Variants in ANO1 observed in about 807,000 individuals in gnomAD.
ANO1 encodes anoctamin-1.
A neutral mutation model predicts 124.0 loss-of-function variants in ANO1; 59 were observed. The ratio of observed to expected loss-of-function variants is 0.48; its 90% CI spans 0.39 to 0.59. ANO1 has a LOEUF of 0.59. Among genes scored for constraint, ANO1 ranks in the 20% least tolerant of loss-of-function variants. The pLI, the probability that ANO1 is intolerant of heterozygous loss-of-function variation, is 0.00. For synonymous variants in ANO1, 529 were observed against 532.0 expected (o/e 0.99, Z 0.08); for missense variants, 1,059 against 1,328.0 (o/e 0.80, Z 3.15).
At chr11:69,975,517 G>A in the ANO1 span, among the ~76,000 whole-genome samples, 3 of 152,346 alleles carry the variant, frequency 2.0e-5, no homozygotes, top group East Asian at 3.9e-4. Flanking sequence ...AGCCCCTGAG[G>A]ACCACCCCTG....
At position 70,161,151 on chromosome 11, in the gene ANO1, C is replaced by A; in HGVS notation, c.1579-10C>A. 1.9e-6 allele frequency: 3 copies of A among 1,612,030 alleles called. No homozygotes were observed. The highest frequency in any genetic ancestry group is 1.1e-5 in the South Asian group (1 of 90,868). Reference sequence around the variant, plus strand: ...GCCCCCAACCAAGAGTGCCCCTTTCCCCCCTGCAGATTGCAGTGACGTTTG... The same window carrying A: ...GCCCCCAACCAAGAGTGCCCCTTTCACCCCTGCAGATTGCAGTGACGTTTG... On this transcript the variant is annotated splice_polypyrimidine_tract_variant and intron_variant, in intron 16 of 25. Transcript: ENST00000355303.
intron 2 of ANO1, among the ~76,000 whole-genome samples, chr11:70,095,231 AG>A (rs1360946234): frequency 3.0e-5 from 2 of 65,642 alleles, no homozygotes; most frequent in African/African-American, 1.1e-4. Context: ...AGAGAGAGAG[AG>A]GAAAGAAAGA....
At chr11:70,016,818 C>T (rs1856711282) in intron 1 of ANO1, among the ~76,000 whole-genome samples, 1 of 152,210 alleles carries the variant, frequency 6.6e-6, no homozygotes. Context: ...AGGGAATCTG[C>T]TATCGATACA....
At chr11:70,063,993 T>C (rs555346384) in intron 1 of ANO1, 3 of 152,338 alleles carry the variant, frequency 2.0e-5, no homozygotes, top group African/African-American at 7.2e-5. Context: ...GCCAACATCA[T>C]TTTTTCCCAA....
At chr11:70,126,860 C>T (rs1338665731) in intron 10 of ANO1, among the ~76,000 whole-genome samples, 3 of 146,280 alleles carry the variant, frequency 2.1e-5, no homozygotes, top group Non-Finnish European at 3.0e-5. Flanking sequence ...CTAGAGGCCT[C>T]GGTGCAGGCT....
chr11:70,016,043 T>A (rs188972321), intron 1 of ANO1, among the ~76,000 whole-genome samples: 33 of 152,122 alleles, frequency 2.2e-4, no homozygotes, highest in Admixed American at 1.8e-3. Flanking sequence ...TTTCTTTTTT[T>A]TTGAAACGGA....
chr11:70,115,876 G>A (rs762981467), intron 7 of ANO1, among the ~76,000 whole-genome samples: 1 of 152,090 alleles, frequency 6.6e-6, no homozygotes, highest in Non-Finnish European at 1.5e-5. Context: ...TCTTCCTTTA[G>A]GTTTGAAGGT....
chr11:70,166,437 C>G (rs2048257123), intron 20 of ANO1, among the ~76,000 whole-genome samples: 1 of 152,212 alleles, frequency 6.6e-6, no homozygotes, highest in Non-Finnish European at 1.5e-5. Context: ...TGGGGGGGTA[C>G]CACCAGGTGC....
chr11:70,093,914 C>T (rs1180125384), intron 2 of ANO1, among the ~76,000 whole-genome samples: 2 of 152,162 alleles, frequency 1.3e-5, no homozygotes, highest in Non-Finnish European at 2.9e-5. Context: ...GCCCGGTATG[C>T]GGATGTGGAC....
At chr11:70,095,344 G>GAA (rs1012629003) in intron 2 of ANO1, among the ~76,000 whole-genome samples, 1 of 99,010 alleles carries the variant, frequency 1.0e-5, no homozygotes, top group East Asian at 3.2e-4. Context: ...GAAAGAGAAA[G>GAA]AAAAAGAAAG....
At chr11:70,079,977 C>T (rs756185583) in intron 1 of ANO1, among the ~76,000 whole-genome samples, 23 of 150,176 alleles carry the variant, frequency 1.5e-4, no homozygotes, top group Non-Finnish European at 2.1e-4. Flanking sequence ...CTACCTGTGA[C>T]TCACAGGACT....
intron 18 of ANO1, 49 bp from the exon 19 acceptor site, chr11:70,163,234 C>G: frequency 6.3e-7 from 1 of 1,591,978 alleles, no homozygotes; most frequent in Non-Finnish European, 8.6e-7. Flanking sequence ...TCTCCCCGAG[C>G]TGAGCCAGGG....
At position 70,182,504 on chromosome 11, in the gene ANO1, C is replaced by T; in HGVS notation, c.2406C>T (p.Ala802=). The T allele has an allele frequency of 6.3e-7, 1 of 1,575,090 alleles. No individual in the cohort carries two copies. Among genetic ancestry groups the T allele is most frequent in the Non-Finnish European group, 8.6e-7 (1 of 1,160,074 alleles). ...TCACTGCCATGTCCCCTGCACAGGC[C>T]TTCGTGATCTCCTTCACGTCTGACT... The part of the protein sequence containing the change: ...GIGKLAVIIN[A]FVISFTSDFI... The change falls in exon 24 of 26, where the codon GCC becomes GCT. Residue 802 remains alanine (A), a splice_region_variant and synonymous_variant. Transcript: ENST00000355303.
intron 2 of ANO1, among the ~76,000 whole-genome samples, chr11:70,088,795 C>A (rs1242384807): frequency 6.6e-6 from 1 of 152,164 alleles, no homozygotes; most frequent in Non-Finnish European, 1.5e-5. Flanking sequence ...TTCTCTGGGC[C>A]TCAGTTTCTC....
In ANO1 at chr11:70,153,216, A is replaced by C. The variant is rs982744152; in HGVS notation, c.1425+88A>C. 81 of 1,233,332 alleles carry C rather than the reference A, an allele frequency of 6.6e-5. No homozygotes were observed. In the Middle Eastern group the frequency reaches 9.3e-4, roughly 14 times the overall value. The allele number at this position is 1,233,332 out of a possible 1,614,324, so 76.4% of individuals were successfully genotyped here. A position where few individuals can be genotyped will look rare whatever the true frequency, so the allele number is the denominator to read the frequency against. ...GACCTGGGATCAGCCCAGAGAACAA[A>C]TATTGTAGGCTGTGTAACCCCGTGT... On this transcript the variant is annotated intron_variant, in intron 14 of 25. Coordinates refer to ENST00000355303, the MANE Select transcript of ANO1 (RefSeq NM_018043.7).
upstream of ANO1, among the ~76,000 whole-genome samples, chr11:69,983,858 G>A (rs1855978678): frequency 1.3e-5 from 2 of 152,264 alleles, no homozygotes; most frequent in East Asian, 3.9e-4. Context: ...GGCTTCAATC[G>A]GAATGAATCA....
chr11:70,011,852 G>A (rs1485265543), intron 1 of ANO1, among the ~76,000 whole-genome samples: 2 of 152,162 alleles, frequency 1.3e-5, no homozygotes, highest in Non-Finnish European at 2.9e-5. Context: ...ATTGTTACTT[G>A]TGGAAGATCT....
Position 70,088,075 on chromosome 11 carries a change from G to A in ANO1, c.432G>A (p.Arg144=), listed in dbSNP as rs777772321. The A allele has an allele frequency of 3.9e-6, 5 of 1,267,610 alleles. No individual in the cohort carries two copies. Among genetic ancestry groups the A allele is most frequent in the East Asian group, 3.7e-5 (1 of 27,230 alleles). 78.5% of individuals were successfully genotyped at this position (1,267,610 alleles called of 1,614,324 possible). Residue 144 remains arginine, a synonymous_variant, in exon 2 of 26, where the codon CGG becomes CGA. Transcript: ENST00000355303. ...TGGAGGCGGGCCTGGAGCTGGAGCG[G>A]GACGAGGACGTAACTATCTCACTGC... is the stretch of plus-strand genomic sequence containing the variant. ...NLLEAGLELE[R]DEDTKIHGVG...
At chr11:70,006,461 C>T (rs1231284836) in intron 1 of ANO1, among the ~76,000 whole-genome samples, 1 of 152,124 alleles carries the variant, frequency 6.6e-6, no homozygotes, top group African/African-American at 2.4e-5. Flanking sequence ...CCTCCCCTAC[C>T]TCTGCTCTCT....
Sources: gnomAD v4.1 joint callset for allele counts (sites outside exome capture counted in the v4.1 genomes callset) on GRCh38, gnomAD v4.1.1 for gene constraint, MANE v1.5 for transcripts, NCBI Gene and HGNC (gene_info 2026-07-23, HGNC 2026-07-21) for gene names.